ANAPC10: variants seen among roughly 807,000 people sequenced by gnomAD.
ANAPC10 encodes the protein anaphase-promoting complex subunit 10.
A neutral mutation model predicts 22.0 loss-of-function variants in ANAPC10; 12 were observed. The observed-to-expected ratio is 0.55, with a 90% CI of 0.35 to 0.88. The LOEUF is 0.88. ANAPC10 is among the 40% of genes least tolerant of loss of function. ANAPC10 has a pLI of 0.01. For missense variants in ANAPC10, 188 were observed against 220.9 expected (o/e 0.85, Z 0.94); for synonymous variants, 65 against 69.5 (o/e 0.94, Z 0.32).
chr4:145,035,463 C>T (rs1738374610), intron 4 of ANAPC10: 1 of 152,208 alleles, frequency 6.6e-6, no homozygotes, highest in African/African-American at 2.4e-5. Flanking sequence ...TTGTCATTAT[C>T]TACTGCTTCA....
At chr4:145,010,563 T>C (rs1342342186) in intron 4 of ANAPC10, among the ~76,000 whole-genome samples, 1 of 152,044 alleles carries the variant, frequency 6.6e-6, no homozygotes, top group East Asian at 1.9e-4. Flanking sequence ...CTGAGCAAAC[T>C]ATCGCAAAGA....
intron 1 of ANAPC10, among the ~76,000 whole-genome samples, chr4:145,096,575 C>G (rs1748558504): frequency 6.6e-6 from 1 of 152,160 alleles, no homozygotes; most frequent in Admixed American, 6.6e-5. Context: ...AAGAGGTTCA[C>G]TTGATGATTT....
intron 3 of ANAPC10, among the ~76,000 whole-genome samples, chr4:145,072,845 G>A (rs1744674106): frequency 6.6e-6 from 1 of 151,130 alleles, no homozygotes; most frequent in African/African-American, 2.4e-5. Flanking sequence ...GATTTCTAAT[G>A]TATTCACAAG....
At chr4:145,090,405 T>C (rs1006507318) in intron 2 of ANAPC10, among the ~76,000 whole-genome samples, 2 of 152,222 alleles carry the variant, frequency 1.3e-5, no homozygotes, top group Non-Finnish European at 2.9e-5. Context: ...AACTGTCCCA[T>C]TTCCCTTGCT....
chr4:145,075,240 CT>C (rs569189397), intron 3 of ANAPC10, among the ~76,000 whole-genome samples: 48 of 152,278 alleles, frequency 3.2e-4, no homozygotes, highest in African/African-American at 9.6e-4. Context: ...ATCTTTCACA[CT>C]TCTGGCTTTG....
chr4:145,000,491 C>A (rs570335145), intron 4 of ANAPC10, among the ~76,000 whole-genome samples: 1 of 152,286 alleles, frequency 6.6e-6, no homozygotes, highest in African/African-American at 2.4e-5. Context: ...ATCAAAACCA[C>A]AATGAGATAC....
chr4:145,030,513 G>A (rs556958680), intron 4 of ANAPC10, among the ~76,000 whole-genome samples: 49 of 152,216 alleles, frequency 3.2e-4, no homozygotes, highest in African/African-American at 1.1e-3. Flanking sequence ...GAGTCATTTC[G>A]GTCCTCCAGT....
At chr4:145,005,385 T>C (rs1030259064) in intron 4 of ANAPC10, among the ~76,000 whole-genome samples, 2 of 152,148 alleles carry the variant, frequency 1.3e-5, no homozygotes, top group Non-Finnish European at 2.9e-5. Flanking sequence ...TAGCTAGCAG[T>C]CTATCTTATT....
At chr4:145,097,783 C>A in intron 1 of ANAPC10, 1 of 347,168 alleles carries the variant, frequency 2.9e-6, no homozygotes, top group Non-Finnish European at 5.7e-6. Flanking sequence ...AGAAATAAAG[C>A]CCATCTTTAG....
At chr4:145,047,083 G>C (rs1161819649) in intron 4 of ANAPC10, among the ~76,000 whole-genome samples, 2 of 152,022 alleles carry the variant, frequency 1.3e-5, no homozygotes, top group Non-Finnish European at 2.9e-5. Context: ...ACCCAAACAA[G>C]ACAGGCATTG....
At chr4:145,079,687 C>T (rs1745686124) in intron 3 of ANAPC10, among the ~76,000 whole-genome samples, 1 of 152,116 alleles carries the variant, frequency 6.6e-6, no homozygotes, top group South Asian at 2.1e-4. Flanking sequence ...CCATGGAACA[C>T]CACACAATCA....
At chr4:145,019,977 G>A (rs910280342) in intron 4 of ANAPC10, among the ~76,000 whole-genome samples, 7 of 152,080 alleles carry the variant, frequency 4.6e-5, no homozygotes, top group African/African-American at 1.7e-4. Flanking sequence ...GCCAGGCCCA[G>A]AAATTCACAG....
intron 1 of ANAPC10, chr4:145,097,411 T>C (rs1748729692): frequency 4.5e-6 from 5 of 1,100,296 alleles, no homozygotes; most frequent in Non-Finnish European, 3.7e-6. Flanking sequence ...GTGAACAATA[T>C]GTAAAACTGC....
chr4:145,088,303 C>A (rs1189172562), intron 2 of ANAPC10, among the ~76,000 whole-genome samples: 2 of 152,168 alleles, frequency 1.3e-5, no homozygotes, highest in Non-Finnish European at 2.9e-5. Context: ...ATCATTGGCA[C>A]ACTGATGACC....
At chr4:145,023,997 T>A (rs1323543860) in intron 4 of ANAPC10, among the ~76,000 whole-genome samples, 2 of 152,220 alleles carry the variant, frequency 1.3e-5, no homozygotes, top group African/African-American at 4.8e-5. Context: ...TGTAATATTC[T>A]AAATCCTTTG....
intron 4 of ANAPC10, among the ~76,000 whole-genome samples, chr4:145,056,194 T>C (rs867988330): frequency 7.9e-5 from 12 of 152,162 alleles, no homozygotes; most frequent in Non-Finnish European, 4.4e-5. Context: ...CATAAAGACC[T>C]TGCTAATAAA....
intron 4 of ANAPC10, among the ~76,000 whole-genome samples, chr4:145,042,992 G>C (rs1358748760): frequency 6.6e-6 from 1 of 151,058 alleles, no homozygotes; most frequent in South Asian, 2.1e-4. Context: ...CACAAATAGC[G>C]AAGAAGCACA....
At position 145,065,205 on chromosome 4, in the gene ANAPC10, A is replaced by ATTCT. The variant is rs34718277; in HGVS notation, c.207-517_207-514dup. Among the ~76,000 whole-genome samples the ATTCT allele has an allele frequency of 4.5e-3, 678 of 152,000 alleles. 8 individuals are homozygous for ATTCT. Among genetic ancestry groups the ATTCT allele is most frequent in the African/African-American group, 0.015 (603 of 41,532 alleles). On this transcript the variant is annotated intron_variant, in intron 3 of 4. Transcript: ENST00000507656. ...TGCAAGAAATAGAATTCTGCTGCTG[A>ATTCT]TTCTTTCTTTCTTTCTTTCTTTTGC...
chr4:145,014,674 C>G (rs1734838468), intron 4 of ANAPC10, among the ~76,000 whole-genome samples: 1 of 152,170 alleles, frequency 6.6e-6, no homozygotes, highest in Non-Finnish European at 1.5e-5. Flanking sequence ...AGAACCCTCA[C>G]AGAGTCCATT....
Sources: gnomAD v4.1 joint callset for allele counts (sites outside exome capture counted in the v4.1 genomes callset) on GRCh38, gnomAD v4.1.1 for gene constraint, MANE v1.5 for transcripts, NCBI Gene and HGNC (gene_info 2026-07-23, HGNC 2026-07-21) for gene names.